NOL4L: variants seen among roughly 807,000 people sequenced by gnomAD.
The protein encoded by NOL4L is nucleolar protein 4 like.
A neutral mutation model predicts 64.5 loss-of-function variants in NOL4L; 7 were observed. The ratio of observed to expected loss-of-function variants is 0.11; its 90% confidence interval spans 0.06 to 0.20. The LOEUF (loss-of-function observed/expected upper bound fraction) is 0.20. NOL4L is among the 10% of genes least tolerant of loss of function. NOL4L has a pLI of 1.00. For missense variants in NOL4L, 680 were observed against 967.1 expected, an observed-to-expected ratio of 0.70 and a Z score of 3.94; for synonymous variants, 413 against 401.0, an observed-to-expected ratio of 1.03 and a Z score of -0.36.
At chr20:32,529,853 C>T (rs1270197945) in intron 1 of NOL4L, among the ~76,000 whole-genome samples, 3 of 152,214 alleles carry the variant, frequency 2.0e-5, no homozygotes, top group Non-Finnish European at 4.4e-5. Flanking sequence ...CCAGCTTCCT[C>T]GCTGTGAGAT....
Position 32,584,865 on chromosome 20 carries a change from C to A in NOL4L, c.26G>T (p.Arg9Leu). ...GCTGCGCTCGCGCTCCCAGCCCCCG[C>A]GCAGCAGCAGCGTCGGCTTCGGCAT... MPKPTLLLRGGWERERSPG... is the reference protein window; with the variant it reads MPKPTLLLLGGWERERSPG... The change falls in exon 1 of 11, where the codon CGC (arginine) becomes CTC (leucine). Residue 9 changes from arginine (R) to leucine (L), a missense_variant. By Grantham distance (102) the Arg-to-Leu change is moderately radical. Coordinates refer to ENST00000621426, the MANE Select transcript of NOL4L (RefSeq NM_001256798.2). 1 of 1,412,968 alleles carries A rather than the reference C, an allele frequency of 7.1e-7. No homozygotes were observed. Among genetic ancestry groups the A allele is most frequent in the Non-Finnish European group, 9.3e-7 (1 of 1,074,622 alleles). 87.5% of individuals were successfully genotyped at this position (1,412,968 alleles called of 1,614,324 possible).
At chr20:32,481,884 C>T (rs939362696) in intron 4 of NOL4L, among the ~76,000 whole-genome samples, 1 of 151,204 alleles carries the variant, frequency 6.6e-6, no homozygotes, top group African/African-American at 2.4e-5. Context: ...ACACAGATGG[C>T]TCTCCCCAGA....
chr20:32,503,872 CATT>C (rs1338575907), intron 4 of NOL4L, among the ~76,000 whole-genome samples: 2 of 152,076 alleles, frequency 1.3e-5, no homozygotes, highest in Non-Finnish European at 2.9e-5. Context: ...ATTTATTTAA[CATT>C]AATAGCACTA....
Position 32,446,459 on chromosome 20 carries a change from TC to T in NOL4L, c.*1136del, listed in dbSNP as rs2012336095. The T allele has an allele frequency of 6.6e-6, 1 of 152,258 alleles. No individual in the cohort carries two copies. Among genetic ancestry groups the T allele is most frequent in the Non-Finnish European group, 1.5e-5 (1 of 68,114 alleles). 9.4% of individuals were successfully genotyped at this position (152,258 alleles called of 1,614,324 possible). ...CTCACGGCTGCCTGATAGCCGGGGC[TC>T]ACCCTGAAGAAGTGGCCCCTCTTGG... On this transcript the variant is annotated 3_prime_UTR_variant, in exon 11 of 11. Transcript: ENST00000621426.
chr20:32,512,177 G>A (rs923395780), intron 3 of NOL4L, among the ~76,000 whole-genome samples: 5 of 152,134 alleles, frequency 3.3e-5, no homozygotes, highest in African/African-American at 1.2e-4. Context: ...TTTAGACAGG[G>A]TGTGTGGCTC....
intron 1 of NOL4L, among the ~76,000 whole-genome samples, chr20:32,553,167 C>T (rs892943199): frequency 3.3e-5 from 5 of 152,170 alleles, no homozygotes; most frequent in Non-Finnish European, 5.9e-5. Flanking sequence ...AGAATCGGCT[C>T]ACTTCTCACC....
intron 3 of NOL4L, among the ~76,000 whole-genome samples, chr20:32,516,376 C>G (rs552616770): frequency 1.6e-4 from 25 of 152,018 alleles, no homozygotes; most frequent in Non-Finnish European, 2.8e-4. Flanking sequence ...GGGTGGGGAA[C>G]GTGAGGAAAC....
At chr20:32,566,261 C>G (rs1183664566) in intron 1 of NOL4L, among the ~76,000 whole-genome samples, 1 of 152,116 alleles carries the variant, frequency 6.6e-6, no homozygotes, top group Non-Finnish European at 1.5e-5. Flanking sequence ...AAGCAGTGGA[C>G]CCAGGATTCG....
chr20:32,457,173 G>C (rs1023015921), intron 5 of NOL4L, among the ~76,000 whole-genome samples: 11 of 152,172 alleles, frequency 7.2e-5, no homozygotes, highest in Non-Finnish European at 1.5e-4. Context: ...CTGCGGGCGC[G>C]GGGGAGGAAA....
rs563943986 is a variant in NOL4L, at chr20:32,447,573, G to A, written c.*23C>T. 6.3e-7 allele frequency: 1 copy of A among 1,577,198 alleles called. No individual in the cohort carries two copies. Among genetic ancestry groups the A allele is most frequent in the African/African-American group, 1.3e-5 (1 of 74,738 alleles). ...TGGGACAGCCTCCTTCCCTAGGGCA[G>A]TGCGCTCCAGGTGCCGGTGGGGTCA... On this transcript the variant is annotated 3_prime_UTR_variant, in exon 11 of 11. Coordinates refer to ENST00000621426, the MANE Select transcript of NOL4L (RefSeq NM_001256798.2).
At chr20:32,522,649 C>T (rs555035522) in intron 2 of NOL4L, among the ~76,000 whole-genome samples, 12 of 152,316 alleles carry the variant, frequency 7.9e-5, no homozygotes, top group South Asian at 2.1e-4. Flanking sequence ...TCTGGGGGCA[C>T]GTTCCTCTCA....
chr20:32,467,913 C>T (rs541616837), intron 5 of NOL4L, among the ~76,000 whole-genome samples: 2 of 152,304 alleles, frequency 1.3e-5, no homozygotes, highest in African/African-American at 4.8e-5. Flanking sequence ...GCTGTAAATA[C>T]CGAGCCCTGG....
chr20:32,469,219 CTA>C lies in NOL4L; in HGVS notation c.841+5380_841+5381del, dbSNP rs547651744. ...ACATCAGTGTCAGGGAGGCCAATGA[CTA>C]TGTGAGAAAAAAGGCGCCAATACTG... On this transcript the variant is annotated intron_variant, in intron 5 of 10. Coordinates refer to ENST00000621426, the MANE Select transcript of NOL4L (RefSeq NM_001256798.2). Among the ~76,000 whole-genome samples, 125 of 152,090 alleles carry C rather than the reference CTA, an allele frequency of 8.2e-4. 1 individual carries two copies. Among genetic ancestry groups the C allele is most frequent in the African/African-American group, 2.9e-3 (122 of 41,472 alleles).
intron 1 of NOL4L, among the ~76,000 whole-genome samples, chr20:32,575,981 G>A (rs1600891084): frequency 6.6e-6 from 1 of 152,236 alleles, no homozygotes; most frequent in East Asian, 1.9e-4. Flanking sequence ...GGGCAGGACT[G>A]TATTTGGCGT....
intron 10 of NOL4L, among the ~76,000 whole-genome samples, chr20:32,451,183 C>A (rs2012865647): frequency 6.6e-6 from 1 of 152,200 alleles, no homozygotes; most frequent in African/African-American, 2.4e-5. Context: ...TTTCTCCAAC[C>A]TACTCAGGTT....
intron 1 of NOL4L, among the ~76,000 whole-genome samples, chr20:32,557,434 TGCAGCAAAGTCAGA>T (rs1421040453): frequency 2.0e-5 from 3 of 152,234 alleles, no homozygotes; most frequent in African/African-American, 7.2e-5. Context: ...TGGCCTCCTG[TGCAGCAAAGTCAGA>T]GCAGCCCCAG....
At chr20:32,568,874 T>C (rs1034316410) in intron 1 of NOL4L, among the ~76,000 whole-genome samples, 1 of 151,610 alleles carries the variant, frequency 6.6e-6, no homozygotes, top group African/African-American at 2.4e-5. Flanking sequence ...GCTGCTTGTG[T>C]GGGGGACCCT....
In NOL4L at chr20:32,453,809, G is replaced by A; in HGVS notation, c.1120-48C>T. ...AGGGTTGGGCCAAGCAGCTGCTCAA[G>A]CCCTTGCTGGGTCTCCTACAGGCGG... On this transcript the variant is annotated intron_variant, in intron 6 of 10. Coordinates refer to ENST00000621426, the MANE Select transcript of NOL4L (RefSeq NM_001256798.2). The surrounding 1 kb of genome is among the most constrained non-coding windows in gnomAD (Gnocchi z 5.6). 7 of 1,529,604 alleles carry A rather than the reference G, an allele frequency of 4.6e-6. No individual in the cohort carries two copies. The highest frequency in any genetic ancestry group is 6.2e-6 in the Non-Finnish European group (7 of 1,129,628). 94.8% of individuals were successfully genotyped at this position (1,529,604 alleles called of 1,614,324 possible).
intron 4 of NOL4L, among the ~76,000 whole-genome samples, chr20:32,487,944 T>TA (rs2016165125): frequency 3.3e-5 from 5 of 151,874 alleles, no homozygotes; most frequent in Admixed American, 6.5e-5. Flanking sequence ...ATTTTTTTTT[T>TA]TTTTTGACCA....
Sources: gnomAD v4.1 joint callset for allele counts (sites outside exome capture counted in the v4.1 genomes callset) on GRCh38, gnomAD v4.1.1 for gene constraint, Gnocchi (gnomAD v3.1) non-coding constraint, MANE v1.5 for transcripts, NCBI Gene and HGNC (gene_info 2026-07-23, HGNC 2026-07-21) for gene names.